Variants in OARD1 observed in about 807,000 individuals in gnomAD.
The protein encoded by OARD1 is ADP-ribose glycohydrolase OARD1.
OARD1 carries 19 observed loss-of-function variants against 19.7 expected under a neutral mutation model. The ratio of observed to expected loss-of-function variants is 0.96; its 90% CI spans 0.67 to 1.41. The LOEUF is 1.41. Among genes scored for constraint, OARD1 ranks in the 40% most tolerant of loss-of-function variants. The probability of loss-of-function intolerance (pLI) is 0.00; values close to 1 mark genes in which losing one functional copy is unlikely to be tolerated. For synonymous variants in OARD1, 70 were observed against 61.8 expected, an observed-to-expected ratio of 1.13 and a Z score of -0.62; for missense variants, 190 against 183.8, an observed-to-expected ratio of 1.03 and a Z score of -0.20.
In OARD1 at chr6:41,067,350, A is replaced by T. The variant is rs756577080; in HGVS notation, c.444T>A (p.Thr148=). 2.5e-6 allele frequency: 4 copies of T among 1,608,902 alleles called. No individual in the cohort carries two copies. The highest frequency in any genetic ancestry group is 3.4e-6 in the Non-Finnish European group (4 of 1,175,314). Residue 148 remains threonine, a synonymous_variant, in exon 6 of 6, where the codon ACT becomes ACA. Transcript: ENST00000424266. ...GTTCACTGGTTCAGAGTGTGTACAC[A>T]GTAATTTTGATGTCTGTTGCCTCAA... ...EVFEATDIKI[T]VYTL
chr6:41,073,878 G>A (rs1375491932), upstream of OARD1, among the ~76,000 whole-genome samples: 1 of 151,716 alleles, frequency 6.6e-6, no homozygotes, highest in Non-Finnish European at 1.5e-5. Context: ...CGCCCCGTTC[G>A]CAGTGGCAGG....
chr6:41,069,199 C>T (rs1398151375), intron 4 of OARD1: 2 of 322,276 alleles, frequency 6.2e-6, no homozygotes, highest in Non-Finnish European at 1.1e-5. Flanking sequence ...TCCTAGGAAA[C>T]CCATGAGATT....
intron 3 of OARD1, 87 bp from the exon 4 acceptor site, chr6:41,070,221 T>C: frequency 1.3e-6 from 1 of 781,088 alleles, no homozygotes; most frequent in Admixed American, 2.3e-5. Context: ...AGATCTGAGT[T>C]TACCTCAGAA....
rs531547826 is a variant in OARD1 at position 41,066,634 on chromosome 6, C to T, written c.*701G>A. 6 of 152,258 alleles carry T rather than the reference C, an allele frequency of 3.9e-5. No individual in the cohort carries two copies. In the South Asian group the frequency reaches 1.0e-3, roughly 26 times the overall value. 9.4% of individuals were successfully genotyped at this position (152,258 alleles called of 1,614,324 possible). A position where few individuals can be genotyped will look rare whatever the true frequency, so the allele number is the denominator to read the frequency against. ...AGAAAAAGTTCACCATGAGGAGATT[C>T]TAAAAACCTGCCTTTTGACTTGTCT... On this transcript the variant is annotated 3_prime_UTR_variant, in exon 6 of 6. Coordinates refer to ENST00000424266, the MANE Select transcript of OARD1 (RefSeq NM_001329686.2).
At chr6:41,094,279 T>C in intron 1 of OARD1, 1 of 771,110 alleles carries the variant, frequency 1.3e-6, no homozygotes, top group Non-Finnish European at 2.2e-6. Flanking sequence ...GTCATAATTG[T>C]CCCTTGTGAC....
At chr6:41,077,647 T>A (rs1484364432) in intron 1 of OARD1, among the ~76,000 whole-genome samples, 1 of 152,194 alleles carries the variant, frequency 6.6e-6, no homozygotes, top group African/African-American at 2.4e-5. Context: ...ACCCAGAATC[T>A]CTGAGGAGCA....
chr6:41,086,997 TCA>T (rs1268921057), intron 1 of OARD1, among the ~76,000 whole-genome samples: 3 of 152,124 alleles, frequency 2.0e-5, no homozygotes, highest in Non-Finnish European at 4.4e-5. Flanking sequence ...TTGAAATACA[TCA>T]AATAAAAGTA....
At chr6:41,081,553 T>G (rs1057075532) in intron 1 of OARD1, among the ~76,000 whole-genome samples, 4 of 151,912 alleles carry the variant, frequency 2.6e-5, no homozygotes. Context: ...ATGGTAAAAA[T>G]TTTGTGTATT....
chr6:41,075,357 A>C (rs1763705217), upstream of OARD1: 1 of 152,220 alleles, frequency 6.6e-6, no homozygotes, highest in African/African-American at 2.4e-5. Flanking sequence ...GACCTGAAAT[A>C]GATGTTTTAA....
chr6:41,077,233 A>T (rs1464274180), upstream of OARD1, among the ~76,000 whole-genome samples: 2 of 152,216 alleles, frequency 1.3e-5, no homozygotes, highest in African/African-American at 4.8e-5. Context: ...CAATTTATTG[A>T]GAGATACTTT....
intron 1 of OARD1, chr6:41,071,963 C>T (rs1462446730): frequency 2.7e-6 from 1 of 374,712 alleles, no homozygotes; most frequent in Non-Finnish European, 4.9e-6. Context: ...TTCTCCAGGG[C>T]CACTCCGGAG....
rs41273756 is a variant in OARD1 at position 41,097,673 on chromosome 6, A to G, written c.-42+40T>C. The G allele has an allele frequency of 7.0e-3, 2,812 of 399,990 alleles. 88 individuals carry two copies. The highest frequency in any genetic ancestry group is 0.062 in the South Asian group (2,036 of 32,772). 24.8% of individuals were successfully genotyped at this position (399,990 alleles called of 1,614,324 possible). ...ACATTTCATGGATTCGGATGATGCA[A>G]GGAGACACATGCCACCCCAGCAGTA... On this transcript the variant is annotated intron_variant, in intron 1 of 4. Coordinates refer to the OARD1 transcript ENST00000480585.
intron 1 of OARD1, among the ~76,000 whole-genome samples, chr6:41,089,351 AC>A (rs1764136650): frequency 6.6e-6 from 1 of 152,218 alleles, no homozygotes; most frequent in Non-Finnish European, 1.5e-5. Flanking sequence ...TTTCATAAAA[AC>A]CGACATTGAT....
intron 1 of OARD1, chr6:41,093,237 T>TA: frequency 1.5e-6 from 1 of 660,138 alleles, no homozygotes; most frequent in Non-Finnish European, 2.4e-6. Flanking sequence ...CATTTGTTAT[T>TA]ACTAATATGC....
chr6:41,090,410 A>C, intron 1 of OARD1: 1 of 617,872 alleles, frequency 1.6e-6, no homozygotes, highest in East Asian at 2.7e-5. Context: ...TTGACACTAC[A>C]TATTTTTTGG....
In OARD1 at chr6:41,065,531, C is replaced by T. The variant is rs1762974192; in HGVS notation, c.*1804G>A. On this transcript the variant is annotated 3_prime_UTR_variant, in exon 6 of 6. Coordinates refer to ENST00000424266, the MANE Select transcript of OARD1 (RefSeq NM_001329686.2). ...ATTTTGTGTATTTAGATAATCTCTCCTTCCTTTTTCCCTTCAACTTTATGT... is the reference window on the plus strand; with the variant it reads ...ATTTTGTGTATTTAGATAATCTCTCTTTCCTTTTTCCCTTCAACTTTATGT... 6.6e-6 allele frequency: 1 copy of T among 152,196 alleles called. No homozygotes were observed. The highest frequency in any genetic ancestry group is 1.5e-5 in the Non-Finnish European group (1 of 68,036). 9.4% of individuals were successfully genotyped at this position (152,196 alleles called of 1,614,324 possible). A position where few individuals can be genotyped will look rare whatever the true frequency, so the allele number is the denominator to read the frequency against.
At chr6:41,070,897 T>G (rs1763306805) in intron 3 of OARD1, 2 of 606,756 alleles carry the variant, frequency 3.3e-6, no homozygotes, top group South Asian at 4.0e-5. Flanking sequence ...TTCAGAGAAG[T>G]ACAGTAATAT....
chr6:41,073,033 T>G (rs1763557798), upstream of OARD1: 3 of 154,920 alleles, frequency 1.9e-5, no homozygotes, highest in South Asian at 5.2e-4. Context: ...GGTTTCGGAG[T>G]CCGGTACTGG....
rs779948050 is a variant in OARD1, at chr6:41,067,208, C to G, written c.*127G>C. On this transcript the variant is annotated 3_prime_UTR_variant, in exon 6 of 6. Coordinates refer to ENST00000424266, the MANE Select transcript of OARD1 (RefSeq NM_001329686.2). ...AATACTTGAATACAGCAACCAAAGTCTGTCTTGTTAAACACACTACTTCTC... is the reference window on the plus strand; with the variant it reads ...AATACTTGAATACAGCAACCAAAGTGTGTCTTGTTAAACACACTACTTCTC... The G allele has an allele frequency of 3.8e-6, 2 of 529,590 alleles. No homozygotes were observed. The highest frequency in any genetic ancestry group is 7.0e-6 in the Non-Finnish European group (2 of 286,220). The allele number at this position is 529,590 out of a possible 1,614,324, so 32.8% of individuals were successfully genotyped here.
Sources: allele counts gnomAD v4.1 joint callset (sites outside exome capture counted in the v4.1 genomes callset), GRCh38; gene constraint gnomAD v4.1.1; transcripts MANE v1.5; gene names NCBI Gene and HGNC (gene_info 2026-07-23, HGNC 2026-07-21).